SAR1B: variants seen among roughly 807,000 people sequenced by gnomAD.
SAR1B encodes small COPII coat GTPase SAR1B.
In SAR1B, 23 loss-of-function variants were observed where a neutral mutation model predicts 26.8. The observed-to-expected ratio is 0.86, with a 90% CI of 0.62 to 1.22. The LOEUF (loss-of-function observed/expected upper bound fraction) is 1.22, where lower values mean the gene tolerates loss of function less well. Among genes scored for constraint, SAR1B ranks in the 50% most tolerant of loss-of-function variants. The pLI, the probability that SAR1B is intolerant of heterozygous loss-of-function variation, is 0.00. For missense variants in SAR1B, 196 were observed against 232.8 expected (o/e 0.84, Z 1.03); for synonymous variants, 65 against 80.8 (o/e 0.80, Z 1.05).
chr5:134,620,852 T>C, intron 3 of SAR1B, 81 bp downstream of exon 3: 2 of 1,524,854 alleles, frequency 1.3e-6, no homozygotes, highest in South Asian at 2.3e-5. Flanking sequence ...AGACCCTGTC[T>C]GAAACAAAAC....
intron 1 of SAR1B, among the ~76,000 whole-genome samples, chr5:134,628,889 C>G (rs1765548039): frequency 6.6e-6 from 1 of 152,008 alleles, no homozygotes; most frequent in African/African-American, 2.4e-5. Context: ...CTCCTGACCT[C>G]GAGATCCACT....
In SAR1B at chr5:134,603,450, C is replaced by A. The variant is rs1390898810; in HGVS notation, c.*3500G>T. On this transcript the variant is annotated 3_prime_UTR_variant, in exon 7 of 7. Transcript: ENST00000402673. ...GAAACACTATTATCACAGTTATCAC[C>A]CTATTTTAATGATTTACAAGTAGTT... 2 of 152,180 alleles carry A rather than the reference C, an allele frequency of 1.3e-5. No individual in the cohort carries two copies. The highest frequency in any genetic ancestry group is 2.9e-5 in the Non-Finnish European group (2 of 68,030). 9.4% of individuals were successfully genotyped at this position (152,180 alleles called of 1,614,324 possible).
chr5:134,630,774 G>A lies in SAR1B; in HGVS notation c.-19+1954C>T, dbSNP rs1186326276. The stretch of plus-strand genomic sequence containing the variant: ...AGCCTGGGCGATAGAGCGAGACTCC[G>A]TCTCAAAAAAAAAAAAAAAGAAAAA... On this transcript the variant is annotated intron_variant, in intron 1 of 6. Transcript: ENST00000402673. Among the ~76,000 whole-genome samples, 4 of 132,816 alleles carry A rather than the reference G, an allele frequency of 3.0e-5. No homozygotes were observed. In the East Asian group the frequency reaches 6.9e-4, roughly 23 times the overall value. 87.1% of individuals were successfully genotyped at this position (132,816 alleles called of 152,430 possible). A position where few individuals can be genotyped will look rare whatever the true frequency, so the allele number is the denominator to read the frequency against.
chr5:134,630,735 A>G (rs1163858670), intron 1 of SAR1B, among the ~76,000 whole-genome samples: 1 of 148,280 alleles, frequency 6.7e-6, no homozygotes, highest in Non-Finnish European at 1.5e-5. Context: ...GTCAGCCTGG[A>G]GCCACTGCAC....
At chr5:134,607,850 A>AT (rs1765154425) in intron 6 of SAR1B, among the ~76,000 whole-genome samples, 1 of 152,156 alleles carries the variant, frequency 6.6e-6, no homozygotes, top group Non-Finnish European at 1.5e-5. Context: ...AACTAAAAAA[A>AT]TTTTGTAAAT....
intron 2 of SAR1B, 135 bp downstream of exon 2, chr5:134,623,827 T>C (rs1360617628): frequency 2.9e-6 from 2 of 686,738 alleles, no homozygotes; most frequent in African/African-American, 1.8e-5. Flanking sequence ...TGAACATCTA[T>C]GTATGATTTC....
intron 6 of SAR1B, among the ~76,000 whole-genome samples, chr5:134,607,443 C>G (rs907756437): frequency 2.0e-5 from 3 of 152,128 alleles, no homozygotes; most frequent in Non-Finnish European, 2.9e-5. Flanking sequence ...AAAAAGAAGA[C>G]AGAAAACAGA....
chr5:134,626,715 G>A (rs1287395070), intron 1 of SAR1B, among the ~76,000 whole-genome samples: 3 of 152,296 alleles, frequency 2.0e-5, no homozygotes, highest in Non-Finnish European at 4.4e-5. Context: ...AAACTACATG[G>A]ATGGCTCATT....
At chr5:134,611,546 C>T (rs909607567) in intron 4 of SAR1B, among the ~76,000 whole-genome samples, 1 of 151,056 alleles carries the variant, frequency 6.6e-6, no homozygotes, top group Non-Finnish European at 1.5e-5. Flanking sequence ...GATTGTGAGA[C>T]CCCATCTCTA....
intron 3 of SAR1B, chr5:134,614,819 T>C (rs1257298109): frequency 6.6e-6 from 1 of 152,248 alleles, no homozygotes; most frequent in Non-Finnish European, 1.5e-5. Flanking sequence ...AATTACCTCT[T>C]GGCATAAAAC....
At chr5:134,608,329 G>A (rs1039886663) in intron 6 of SAR1B, 43 bp downstream of exon 6, 4 of 1,517,614 alleles carry the variant, frequency 2.6e-6, no homozygotes, top group Non-Finnish European at 3.6e-6. Context: ...CATTTGTACT[G>A]TAGAATTAAA....
At chr5:134,624,268 G>T (rs1489479046) in intron 1 of SAR1B, among the ~76,000 whole-genome samples, 2 of 152,206 alleles carry the variant, frequency 1.3e-5, no homozygotes, top group African/African-American at 4.8e-5. Flanking sequence ...AATTAACCGG[G>T]TGTGGTCATG....
chr5:134,629,043 C>T (rs1765551749), intron 1 of SAR1B, among the ~76,000 whole-genome samples: 1 of 151,302 alleles, frequency 6.6e-6, no homozygotes, highest in Admixed American at 6.6e-5. Context: ...TGCTTGAGCC[C>T]AAGAATTCAA....
chr5:134,621,508 A>C (rs930551480), intron 2 of SAR1B, among the ~76,000 whole-genome samples: 15 of 96,292 alleles, frequency 1.6e-4, no homozygotes, highest in African/African-American at 4.1e-4. Context: ...ATAAATAAAT[A>C]AATAAATCTA....
chr5:134,609,598 C>G lies in SAR1B; in HGVS notation c.321G>C (p.Arg107Ser), dbSNP rs140899111. 12 of 1,613,954 alleles carry G rather than the reference C, an allele frequency of 7.4e-6. No individual in the cohort carries two copies. The highest frequency in any genetic ancestry group is 1.0e-5 in the Non-Finnish European group (12 of 1,179,962). ...CAAGTTCTTCTTTTGACTCTAACAGCCTTTCGTGGTCTGCACAATCCACCA... is the reference window on the plus strand; with the variant it reads ...CAAGTTCTTCTTTTGACTCTAACAGGCTTTCGTGGTCTGCACAATCCACCA... ...VFLVDCADHE[R>S]LLESKEELDS... Residue 107 changes from arginine to serine, a missense_variant, in exon 5 of 7, where the codon AGG becomes AGC. Physicochemically the swap from Arg to Ser is moderately radical, Grantham distance 110. Coordinates refer to ENST00000402673, the MANE Select transcript of SAR1B (RefSeq NM_016103.4).
At chr5:134,617,277 T>C (rs897401175) in intron 3 of SAR1B, among the ~76,000 whole-genome samples, 1 of 152,102 alleles carries the variant, frequency 6.6e-6, no homozygotes, top group African/African-American at 2.4e-5. Context: ...ATAAAGCTAG[T>C]ATAAACATTT....
intron 1 of SAR1B, 83 bp from the exon 2 acceptor site, chr5:134,624,120 G>A: frequency 1.2e-6 from 1 of 806,316 alleles, no homozygotes; most frequent in Non-Finnish European, 2.2e-6. Context: ...CACCAACTCT[G>A]AGTAGATAAT....
intron 1 of SAR1B, among the ~76,000 whole-genome samples, chr5:134,627,801 AAAATAAATAAAT>A (rs199626448): frequency 0.026 from 3,541 of 134,488 alleles, 68 homozygotes; most frequent in African/African-American, 0.061. Context: ...TCCATCCCAA[AAAATAAATAAAT>A]AAATAAATAA....
intron 1 of SAR1B, 50 bp from the exon 2 acceptor site, chr5:134,624,087 C>T: frequency 1.0e-6 from 1 of 979,590 alleles, no homozygotes; most frequent in Non-Finnish European, 1.7e-6. Flanking sequence ...CACCAATATA[C>T]ATTAAACTCC....
Sources: allele counts gnomAD v4.1 joint callset (sites outside exome capture counted in the v4.1 genomes callset), GRCh38; gene constraint gnomAD v4.1.1; transcripts MANE v1.5; gene names NCBI Gene and HGNC (gene_info 2026-07-23, HGNC 2026-07-21).